FLI1: variants seen among roughly 807,000 people sequenced by gnomAD.
FLI1 encodes the protein Fli-1 proto-oncogene, ETS transcription factor, also known as Friend leukemia integration 1 transcription factor.
Under a neutral mutation model 53.1 loss-of-function variants are expected in FLI1, and 13 were observed. The ratio of observed to expected loss-of-function variants is 0.24; its 90% confidence interval spans 0.16 to 0.39. FLI1 has a LOEUF of 0.39. Ranked by LOEUF, FLI1 falls within the 10% of genes least tolerant of loss-of-function variation. The probability of loss-of-function intolerance (pLI) is 1.00; values close to 1 mark genes in which losing one functional copy is unlikely to be tolerated. For missense variants in FLI1, 424 were observed against 600.5 expected, an observed-to-expected ratio of 0.71 and a Z score of 3.07; for synonymous variants, 244 against 236.7, an observed-to-expected ratio of 1.03 and a Z score of -0.28.
chr11:128,757,982 G>T, intron 1 of FLI1, 133 bp from the exon 2 acceptor site: 1 of 730,698 alleles, frequency 1.4e-6, no homozygotes, highest in East Asian at 2.7e-5. Context: ...CCCCTGGAGT[G>T]TGAGTCAAAC....
chr11:128,781,846 C>T, intron 4 of FLI1, 112 bp from the exon 5 acceptor site: 3 of 825,738 alleles, frequency 3.6e-6, no homozygotes, highest in Admixed American at 1.9e-5. Flanking sequence ...GTCCTCTGTC[C>T]CTCTTCCCCT....
intron 7 of FLI1, among the ~76,000 whole-genome samples, chr11:128,807,579 C>A (rs1221556698): frequency 6.6e-6 from 1 of 152,188 alleles, no homozygotes; most frequent in Non-Finnish European, 1.5e-5. Context: ...CCAGATCCCC[C>A]AAATTCCTGT....
At chr11:128,801,005 T>C (rs980236685) in intron 5 of FLI1, among the ~76,000 whole-genome samples, 1 of 152,242 alleles carries the variant, frequency 6.6e-6, no homozygotes, top group Non-Finnish European at 1.5e-5. Context: ...GGTGTGATTG[T>C]CTGCTGATTA....
intron 4 of FLI1, 31 bp from the exon 5 acceptor site, chr11:128,781,927 G>C: frequency 6.4e-7 from 1 of 1,568,848 alleles, no homozygotes; most frequent in Non-Finnish European, 8.8e-7. Flanking sequence ...AGAACATTTT[G>C]GTTATAACCT....
At chr11:128,704,815 A>C (rs1938484423) in intron 1 of FLI1, among the ~76,000 whole-genome samples, 1 of 152,356 alleles carries the variant, frequency 6.6e-6, no homozygotes, top group Non-Finnish European at 1.5e-5. Context: ...TAAGAGAAAG[A>C]GATGCTCATC....
chr11:128,750,861 T>A (rs1053994789), intron 1 of FLI1, among the ~76,000 whole-genome samples: 1 of 152,258 alleles, frequency 6.6e-6, no homozygotes, highest in African/African-American at 2.4e-5. Context: ...ATTTTTAAAT[T>A]CGTGAATGCA....
chr11:128,725,984 C>T (rs115069415), intron 1 of FLI1, among the ~76,000 whole-genome samples: 1 of 152,284 alleles, frequency 6.6e-6, no homozygotes, highest in East Asian at 1.9e-4. Flanking sequence ...AGTCCAGATC[C>T]TGGCTGGCCA....
chr11:128,796,606 T>G (rs1942451555), intron 5 of FLI1, among the ~76,000 whole-genome samples: 1 of 152,244 alleles, frequency 6.6e-6, no homozygotes, highest in Non-Finnish European at 1.5e-5. Context: ...TTTTAACTAC[T>G]GTGCTCTGTC....
chr11:128,747,143 C>T (rs568323084), intron 1 of FLI1, among the ~76,000 whole-genome samples: 6 of 152,222 alleles, frequency 3.9e-5, no homozygotes, highest in East Asian at 1.9e-4. Context: ...CTGTAAGGCG[C>T]GGGCTGCAAG....
intron 1 of FLI1, among the ~76,000 whole-genome samples, chr11:128,739,029 A>G (rs1029445755): frequency 7.2e-5 from 11 of 152,246 alleles, no homozygotes; most frequent in Non-Finnish European, 1.6e-4. Flanking sequence ...ATGAGTGCAG[A>G]GAGAACCTCA....
rs185795513 is a variant in FLI1 at position 128,773,127 on chromosome 11, G to A, written c.589+142G>A. On this transcript the variant is annotated intron_variant, in intron 4 of 8. Transcript: ENST00000527786. ...GGGCCTGTAGTGTTGCCAAGGTCAC[G>A]TGGGCTCCTACAGACCCTGTGAGGG... 1.1e-3 allele frequency: 850 copies of A among 751,362 alleles called. 5 individuals carry two copies. The highest frequency in any genetic ancestry group is 1.2e-3 in the Middle Eastern group (3 of 2,552). 46.5% of individuals were successfully genotyped at this position (751,362 alleles called of 1,614,324 possible). A position where few individuals can be genotyped will look rare whatever the true frequency, so the allele number is the denominator to read the frequency against.
At chr11:128,803,675 C>T (rs978475057) in intron 5 of FLI1, among the ~76,000 whole-genome samples, 15 of 152,366 alleles carry the variant, frequency 9.8e-5, no homozygotes, top group African/African-American at 3.4e-4. Flanking sequence ...CACCCACTCC[C>T]TGGCCATGCA....
intron 1 of FLI1, among the ~76,000 whole-genome samples, chr11:128,712,309 A>G (rs939467663): frequency 1.3e-5 from 2 of 152,208 alleles, no homozygotes; most frequent in African/African-American, 2.4e-5. Context: ...CCTCATCAGA[A>G]GCAGATGCTG....
Position 128,758,094 on chromosome 11 carries a change from GTCTCT to G in FLI1, c.19-15_19-11del. The G allele has an allele frequency of 1.9e-6, 3 of 1,599,366 alleles. No homozygotes were observed. The highest frequency in any genetic ancestry group is 2.6e-6 in the Non-Finnish European group (3 of 1,172,420). On this transcript the variant is annotated splice_polypyrimidine_tract_variant and intron_variant, in intron 1 of 8. Transcript: ENST00000527786. ...GGTGAAGAGTGACACTGGGCTTTCT[GTCTCT>G]TCTCTGGCCCTGCAGGAGGCTCTGT... is the stretch of plus-strand genomic sequence containing the variant.
At chr11:128,800,686 GA>G (rs1359640361) in intron 5 of FLI1, among the ~76,000 whole-genome samples, 2 of 152,176 alleles carry the variant, frequency 1.3e-5, no homozygotes, top group Middle Eastern at 3.2e-3. Context: ...TGGAATCTAA[GA>G]GGCCATTTAG....
At chr11:128,705,868 A>C (rs948397882) in intron 1 of FLI1, among the ~76,000 whole-genome samples, 1 of 152,082 alleles carries the variant, frequency 6.6e-6, no homozygotes, top group African/African-American at 2.4e-5. Flanking sequence ...TAAATTTTTC[A>C]TTCTCAATGC....
At chr11:128,773,297 A>G (rs1941631736) in intron 4 of FLI1, among the ~76,000 whole-genome samples, 1 of 152,168 alleles carries the variant, frequency 6.6e-6, no homozygotes, top group Admixed American at 6.5e-5. Context: ...TTGAAAATAG[A>G]TAGAGATGGG....
At chr11:128,796,403 T>C (rs1383462491) in intron 5 of FLI1, among the ~76,000 whole-genome samples, 2 of 152,204 alleles carry the variant, frequency 1.3e-5, no homozygotes, top group Non-Finnish European at 2.9e-5. Flanking sequence ...TGAGTCATAA[T>C]TTCAATTTCT....
At position 128,686,964 on chromosome 11, in the gene FLI1, G is replaced by A. The variant is rs117999451; in HGVS notation, c.-203+263G>A. 652 of 160,292 alleles carry A rather than the reference G, an allele frequency of 4.1e-3. 1 individual carries two copies. Among genetic ancestry groups the A allele is most frequent in the Non-Finnish European group, 7.0e-3 (508 of 72,338 alleles). 9.9% of individuals were successfully genotyped at this position (160,292 alleles called of 1,614,324 possible). A position where few individuals can be genotyped will look rare whatever the true frequency, so the allele number is the denominator to read the frequency against. ...GGAGAGCCTGGCGAAGCCTGTGCAG[G>A]AAGACCGAGCAGCTCGCCGCGTCAG... is the stretch of plus-strand genomic sequence containing the variant. On this transcript the variant is annotated intron_variant, in intron 1 of 6. Transcript: ENST00000344954.
Sources: gnomAD v4.1 joint callset for allele counts (sites outside exome capture counted in the v4.1 genomes callset) on GRCh38, gnomAD v4.1.1 for gene constraint, MANE v1.5 for transcripts, NCBI Gene and HGNC (gene_info 2026-07-23, HGNC 2026-07-21) for gene names.